Variants in BANP observed in about 807,000 individuals in gnomAD.
The protein encoded by BANP is protein BANP.
BANP carries 11 observed loss-of-function variants against 68.1 expected under a neutral mutation model. The observed-to-expected ratio is 0.16, with a 90% CI of 0.10 to 0.27. BANP has a LOEUF of 0.27. BANP is among the 10% of genes least tolerant of loss of function. The probability of loss-of-function intolerance (pLI) is 1.00; values close to 1 mark genes in which losing one functional copy is unlikely to be tolerated. For missense variants in BANP, 504 were observed against 722.7 expected (o/e 0.70, Z 3.47); for synonymous variants, 329 against 303.2 (o/e 1.09, Z -0.88).
At chr16:88,022,339 G>T (rs1035718604) in intron 7 of BANP, among the ~76,000 whole-genome samples, 2 of 152,160 alleles carry the variant, frequency 1.3e-5, no homozygotes, top group Non-Finnish European at 2.9e-5. Context: ...GAACACACCC[G>T]ATCTCGTCTG....
chr16:88,025,731 C>T (rs2076864306), intron 7 of BANP, among the ~76,000 whole-genome samples: 1 of 152,200 alleles, frequency 6.6e-6, no homozygotes, highest in South Asian at 2.1e-4. Context: ...AACACTTCTT[C>T]CTCTGTTTTA....
In BANP at chr16:88,076,848, C is replaced by A; in HGVS notation, c.*187C>A. Reference sequence around the variant, plus strand: ...AAGAGCAGCCGCCGCCGCCCCCAGCCGGAGACCCCTTTCGTTTGAGTCCTG... The same window carrying A: ...AAGAGCAGCCGCCGCCGCCCCCAGCAGGAGACCCCTTTCGTTTGAGTCCTG... On this transcript the variant is annotated 3_prime_UTR_variant, in exon 14 of 14. Coordinates refer to ENST00000682872, the MANE Select transcript of BANP (RefSeq NM_001386991.1). The A allele has an allele frequency of 6.9e-6, 4 of 583,760 alleles. No homozygotes were observed. The highest frequency in any genetic ancestry group is 1.2e-5 in the Non-Finnish European group (4 of 333,882). The allele number at this position is 583,760 out of a possible 1,614,324, so 36.2% of individuals were successfully genotyped here. A position where few individuals can be genotyped will look rare whatever the true frequency, so the allele number is the denominator to read the frequency against.
chr16:88,062,982 C>T (rs1218131575), intron 11 of BANP, among the ~76,000 whole-genome samples: 1 of 152,206 alleles, frequency 6.6e-6, no homozygotes, highest in African/African-American at 2.4e-5. Context: ...TGCTGCTTCA[C>T]GTTTAAGATC....
intron 2 of BANP, among the ~76,000 whole-genome samples, chr16:87,977,641 C>T (rs1302153069): frequency 1.3e-5 from 2 of 152,176 alleles, no homozygotes; most frequent in African/African-American, 2.4e-5. Context: ...AAAAATTTCC[C>T]ATAATTCTAC....
Position 88,027,613 on chromosome 16 carries a change from G to A in BANP, c.1026G>A (p.Ser342=), listed in dbSNP as rs942394796. ...RGQSLAVKSF[S]RRTPNSSSYC... Reference sequence around the variant, plus strand: ...AGAGCCTGGCGGTCAAGAGCTTCTCGCGGAGAACGCCCAACTCGTCCTCCT... The same window carrying A: ...AGAGCCTGGCGGTCAAGAGCTTCTCACGGAGAACGCCCAACTCGTCCTCCT... The change falls in exon 8 of 14, where the codon TCG becomes TCA. Residue 342 remains serine, a synonymous_variant. Coordinates refer to ENST00000682872, the MANE Select transcript of BANP (RefSeq NM_001386991.1). 6 of 1,613,674 alleles carry A rather than the reference G, an allele frequency of 3.7e-6. No individual in the cohort carries two copies. Among genetic ancestry groups the A allele is most frequent in the South Asian group, 3.3e-5 (3 of 91,076 alleles).
At chr16:87,963,694 G>T (rs1442412400) in intron 1 of BANP, among the ~76,000 whole-genome samples, 1 of 152,240 alleles carries the variant, frequency 6.6e-6, no homozygotes, top group South Asian at 2.1e-4. Context: ...CACCCCTAAT[G>T]ATGCATGTGA....
At chr16:88,021,589 T>G (rs1349701439) in intron 7 of BANP, among the ~76,000 whole-genome samples, 4 of 152,212 alleles carry the variant, frequency 2.6e-5, no homozygotes, top group African/African-American at 9.6e-5. Flanking sequence ...TGCTGAAACG[T>G]AAAAAGCATG....
chr16:88,004,010 A>G lies in BANP; in HGVS notation c.363-285A>G. ...ATTCTGTCACAAGTTCAGCATCCTC[A>G]GCCCAGCTGTCCTGTGCTATCCAGT... On this transcript the variant is annotated intron_variant, in intron 4 of 13. Coordinates refer to ENST00000682872, the MANE Select transcript of BANP (RefSeq NM_001386991.1). This position sits in a 1 kb window ranked among gnomAD's most constrained non-coding sequence, Gnocchi z 7.0. 1 of 373,440 alleles carries G rather than the reference A, an allele frequency of 2.7e-6. No individual in the cohort carries two copies. The highest frequency in any genetic ancestry group is 4.3e-5 in the Admixed American group (1 of 23,344). The allele number at this position is 373,440 out of a possible 1,614,324, so 23.1% of individuals were successfully genotyped here. A position where few individuals can be genotyped will look rare whatever the true frequency, so the allele number is the denominator to read the frequency against.
intron 6 of BANP, among the ~76,000 whole-genome samples, chr16:88,009,150 A>G (rs570481723): frequency 7.9e-5 from 12 of 152,256 alleles, no homozygotes; most frequent in African/African-American, 2.9e-4. Context: ...CAGCACTTCC[A>G]TGGGGGGTGC....
chr16:87,972,322 T>C (rs987626774), intron 1 of BANP, among the ~76,000 whole-genome samples: 1 of 68,842 alleles, frequency 1.5e-5, no homozygotes, highest in African/African-American at 3.8e-5. Context: ...ATATTCTGAG[T>C]TCTAGCACCT....
At chr16:87,987,650 G>A (rs1401236554) in intron 4 of BANP, among the ~76,000 whole-genome samples, 1 of 140,924 alleles carries the variant, frequency 7.1e-6, no homozygotes, top group Non-Finnish European at 1.5e-5. Flanking sequence ...GAGCCTGGGA[G>A]GGTGAGACTA....
chr16:87,963,655 C>G (rs1242923891), intron 1 of BANP, among the ~76,000 whole-genome samples: 1 of 152,180 alleles, frequency 6.6e-6, no homozygotes, highest in Non-Finnish European at 1.5e-5. Flanking sequence ...CCTAAAAATA[C>G]TGACGGGAAA....
At chr16:88,007,852 C>CT (rs113107971) in intron 6 of BANP, among the ~76,000 whole-genome samples, 108 of 147,408 alleles carry the variant, frequency 7.3e-4, no homozygotes, top group Non-Finnish European at 9.9e-4. Context: ...TTGAGTTGAT[C>CT]TTTTTTTTTT....
chr16:88,040,839 A>G (rs1443713195), intron 11 of BANP, among the ~76,000 whole-genome samples: 5 of 152,382 alleles, frequency 3.3e-5, no homozygotes, highest in Middle Eastern at 3.4e-3. Context: ...GAGTAAGAGA[A>G]CACAAAGAAA....
At chr16:88,025,392 G>C (rs1010594358) in intron 7 of BANP, among the ~76,000 whole-genome samples, 22 of 152,330 alleles carry the variant, frequency 1.4e-4, no homozygotes, top group African/African-American at 5.1e-4. Context: ...TGAGGCGCCC[G>C]AGTCACCCAG....
chr16:88,067,121 T>C (rs1017857345), intron 12 of BANP, among the ~76,000 whole-genome samples: 1 of 152,146 alleles, frequency 6.6e-6, no homozygotes. Context: ...AGGGCCCAGG[T>C]GTGTGGGGGA....
intron 1 of BANP, among the ~76,000 whole-genome samples, chr16:87,963,738 G>A (rs2059589333): frequency 6.6e-6 from 1 of 152,246 alleles, no homozygotes; most frequent in Non-Finnish European, 1.5e-5. Context: ...AGATCCTGGT[G>A]TTGAAGGAAG....
intron 7 of BANP, among the ~76,000 whole-genome samples, chr16:88,023,840 G>A (rs574407839): frequency 5.9e-5 from 9 of 152,318 alleles, no homozygotes; most frequent in Non-Finnish European, 8.8e-5. Context: ...AAATAGAGGC[G>A]TGCACTGTGG....
At chr16:87,978,320 T>C (rs1353557740) in intron 2 of BANP, 1 of 232,350 alleles carries the variant, frequency 4.3e-6, no homozygotes, top group Non-Finnish European at 8.8e-6. Flanking sequence ...TCTTCTGCTG[T>C]TATGACGAAA....
Sources: allele counts gnomAD v4.1 joint callset (sites outside exome capture counted in the v4.1 genomes callset), GRCh38; gene constraint gnomAD v4.1.1; non-coding constraint Gnocchi (gnomAD v3.1); transcripts MANE v1.5; gene names NCBI Gene and HGNC (gene_info 2026-07-23, HGNC 2026-07-21).